GALK2: variants seen among roughly 807,000 people sequenced by gnomAD.
GALK2 encodes the protein galactokinase 2.
In GALK2, 36 loss-of-function variants were observed where a neutral mutation model predicts 52.4. That is an observed-to-expected ratio of 0.69 (90% confidence interval 0.53 to 0.91). The LOEUF is 0.91. GALK2 is among the 40% of genes least tolerant of loss of function. GALK2 has a pLI of 0.00. For missense variants in GALK2, 579 were observed against 559.1 expected (o/e 1.04, Z -0.36); for synonymous variants, 176 against 199.1 (o/e 0.88, Z 0.98).
chr15:49,186,320 C>A (rs1365378202), intron 1 of GALK2, among the ~76,000 whole-genome samples: 1 of 151,618 alleles, frequency 6.6e-6, no homozygotes, highest in Non-Finnish European at 1.5e-5. Context: ...TCTTTTGTGT[C>A]CTCTCACTGT....
chr15:49,199,995 G>GT (rs1484998678), intron 1 of GALK2, among the ~76,000 whole-genome samples: 2 of 152,184 alleles, frequency 1.3e-5, no homozygotes, highest in East Asian at 1.9e-4. Flanking sequence ...TTTTCTTGAG[G>GT]TTTTTTGGGT....
At chr15:49,303,420 G>A (rs537823432) in intron 8 of GALK2, among the ~76,000 whole-genome samples, 10 of 152,170 alleles carry the variant, frequency 6.6e-5, no homozygotes, top group Admixed American at 6.6e-4. Context: ...CTGGTAGGTA[G>A]GTCAGTACTC....
Position 49,328,151 on chromosome 15 carries a change from G to A in GALK2, c.1369G>A (p.Glu457Lys). Residue 457 changes from glutamate to lysine, a missense_variant, in exon 10 of 10, where the codon GAG becomes AAG. Transcript: ENST00000560031. The part of the protein sequence containing the change: ...KPGGGALVLL[E>K]A Reference sequence around the variant, plus strand: ...TGGAGGTGGGGCTTTGGTTTTGCTTGAGGCCTGAAAAAATGTAAAAAGTCT... The same window carrying A: ...TGGAGGTGGGGCTTTGGTTTTGCTTAAGGCCTGAAAAAATGTAAAAAGTCT... 6.2e-7 allele frequency: 1 copy of A among 1,613,324 alleles called. No homozygotes were observed.
At chr15:49,338,582 G>C (rs2040174768) in intron 3 of GALK2, among the ~76,000 whole-genome samples, 1 of 152,072 alleles carries the variant, frequency 6.6e-6, no homozygotes, top group South Asian at 2.1e-4. Flanking sequence ...TTCAACCTTG[G>C]TGAATCTGAC....
chr15:49,366,475 T>C lies in GALK2; in HGVS notation c.427-1016T>C, dbSNP rs936763499. 4.1e-5 allele frequency: 44 copies of C among 1,083,208 alleles called. No homozygotes were observed. In the Admixed American group the frequency reaches 7.4e-4, roughly 18 times the overall value. 67.1% of individuals were successfully genotyped at this position (1,083,208 alleles called of 1,614,324 possible). On this transcript the variant is annotated intron_variant, in intron 3 of 3. Transcript: ENST00000558399. The stretch of plus-strand genomic sequence containing the variant: ...GAACATCAGAAAGGTTGCATAGTGG[T>C]GCGGAAGTCAGATTCATCAAACTAA...
chr15:49,269,711 C>T (rs1263554225), intron 5 of GALK2, among the ~76,000 whole-genome samples: 1 of 152,174 alleles, frequency 6.6e-6, no homozygotes, highest in Non-Finnish European at 1.5e-5. Flanking sequence ...TTATTCCACT[C>T]ACCTCCCAAC....
Position 49,192,747 on chromosome 15 carries a change from G to C in GALK2, c.54-8415G>C, listed in dbSNP as rs536492374. 4.6e-5 allele frequency among the ~76,000 whole-genome samples: 7 copies of C among 151,610 alleles called. No individual in the cohort carries two copies. In the South Asian group the frequency reaches 6.2e-4, roughly 13 times the overall value. Reference sequence around the variant, plus strand: ...ATTTTAACCATCTGATAGTATCTCAGTGTAGTTTTAATTTGTATTTCTATC... The same window carrying C: ...ATTTTAACCATCTGATAGTATCTCACTGTAGTTTTAATTTGTATTTCTATC... On this transcript the variant is annotated intron_variant, in intron 1 of 9. Transcript: ENST00000560031.
At chr15:49,298,633 T>A (rs1320013470) in intron 8 of GALK2, among the ~76,000 whole-genome samples, 1 of 152,198 alleles carries the variant, frequency 6.6e-6, no homozygotes, top group Non-Finnish European at 1.5e-5. Context: ...AGTTCTTGAA[T>A]TTTATTGAAA....
At position 49,219,810 on chromosome 15, in the gene GALK2, C is replaced by CA. The variant is rs370891283; in HGVS notation, c.266+2506dup. 2.7e-4 allele frequency among the ~76,000 whole-genome samples: 40 copies of CA among 149,280 alleles called. No individual in the cohort carries two copies. In the East Asian group the frequency reaches 3.9e-3, roughly 15 times the overall value. On this transcript the variant is annotated intron_variant, in intron 3 of 9. Transcript: ENST00000560031. ...AGGGTGACAGAGCGAGACTCTGTCT[C>CA]AAAAAAAAAGATATTTTCTGCTTGC...
intron 3 of GALK2, among the ~76,000 whole-genome samples, chr15:49,339,895 C>G (rs2040408818): frequency 6.6e-6 from 1 of 152,168 alleles, no homozygotes; most frequent in African/African-American, 2.4e-5. Flanking sequence ...GTTCGAACTT[C>G]CTGGAGGCTT....
chr15:49,181,056 C>G (rs1165323995), intron 1 of GALK2, among the ~76,000 whole-genome samples: 1 of 135,742 alleles, frequency 7.4e-6, no homozygotes, highest in Non-Finnish European at 1.6e-5. Context: ...TCCTTCCCTC[C>G]CTCCCTCCCT....
intron 3 of GALK2, among the ~76,000 whole-genome samples, chr15:49,357,320 A>G (rs1478701012): frequency 4.4e-4 from 65 of 148,432 alleles, no homozygotes; most frequent in African/African-American, 1.5e-3. Flanking sequence ...AGGATCAACA[A>G]AATTGATAGA....
At chr15:49,192,528 T>G (rs2086846676) in intron 1 of GALK2, among the ~76,000 whole-genome samples, 1 of 140,976 alleles carries the variant, frequency 7.1e-6, no homozygotes, top group Admixed American at 7.0e-5. Context: ...TATATATAGT[T>G]GGAGGTGTAT....
At chr15:49,257,887 A>G (rs1031375308) in intron 5 of GALK2, among the ~76,000 whole-genome samples, 1 of 150,538 alleles carries the variant, frequency 6.6e-6, no homozygotes, top group East Asian at 1.9e-4. Context: ...TTATAAGATT[A>G]TGGATTATTT....
At chr15:49,306,049 G>C (rs2035519588) in intron 8 of GALK2, among the ~76,000 whole-genome samples, 1 of 152,162 alleles carries the variant, frequency 6.6e-6, no homozygotes, top group Non-Finnish European at 1.5e-5. Flanking sequence ...ATTTTGGAAA[G>C]TTCAGGTATA....
At chr15:49,223,189 C>G (rs2089928052) in intron 3 of GALK2, 1 of 152,098 alleles carries the variant, frequency 6.6e-6, no homozygotes, top group African/African-American at 2.4e-5. Context: ...TTGTTCATAA[C>G]AGTGTCTGAT....
chr15:49,217,906 A>G (rs1297857109), intron 3 of GALK2, among the ~76,000 whole-genome samples: 1 of 152,232 alleles, frequency 6.6e-6, no homozygotes, highest in African/African-American at 2.4e-5. Context: ...ACTAATGGGT[A>G]TTGAATTTAA....
rs3075099 is a variant in GALK2, at chr15:49,210,973, T to TCACACACA, written c.143-6191_143-6184dup. Among the ~76,000 whole-genome samples, 1,334 of 146,646 alleles carry TCACACACA rather than the reference T, an allele frequency of 9.1e-3. 29 individuals carry two copies. The highest frequency in any genetic ancestry group is 0.03 in the African/African-American group (1,182 of 39,564). ...TGTTGGCTGTCACACACACACACAC[T>TCACACACA]CACACACACACACACACACACACAC... On this transcript the variant is annotated intron_variant, in intron 2 of 9. Coordinates refer to ENST00000560031, the MANE Select transcript of GALK2 (RefSeq NM_002044.4).
chr15:49,200,398 A>C (rs1444349391), intron 1 of GALK2, among the ~76,000 whole-genome samples: 1 of 152,204 alleles, frequency 6.6e-6, no homozygotes, highest in Non-Finnish European at 1.5e-5. Flanking sequence ...TATCTACTTG[A>C]AACTGCAGAA....
Sources: gnomAD v4.1 joint callset for allele counts (sites outside exome capture counted in the v4.1 genomes callset) on GRCh38, gnomAD v4.1.1 for gene constraint, MANE v1.5 for transcripts, NCBI Gene and HGNC (gene_info 2026-07-23, HGNC 2026-07-21) for gene names.